Variants in BABAM2 observed in about 807,000 individuals in gnomAD.
BABAM2 encodes BRISC and BRCA1-A complex member 2.
BABAM2 carries 31 observed loss-of-function variants against 54.7 expected under a neutral mutation model. That is an observed-to-expected ratio of 0.57 (90% CI 0.43 to 0.77). The LOEUF (loss-of-function observed/expected upper bound fraction) is 0.77. Among genes scored for constraint, BABAM2 ranks in the 30% least tolerant of loss-of-function variants. BABAM2 has a pLI of 0.00. For synonymous variants in BABAM2, 167 were observed against 162.9 expected, an observed-to-expected ratio of 1.03 and a Z score of -0.19; for missense variants, 364 against 455.8, an observed-to-expected ratio of 0.80 and a Z score of 1.83.
intron 6 of BABAM2, among the ~76,000 whole-genome samples, chr2:28,113,114 A>G (rs998967472): frequency 2.0e-5 from 3 of 152,162 alleles, no homozygotes; most frequent in African/African-American, 7.2e-5. Flanking sequence ...TCTTTGTCAG[A>G]TGGATAGATT....
chr2:27,960,255 T>C (rs1036712681), intron 3 of BABAM2, among the ~76,000 whole-genome samples: 1 of 152,150 alleles, frequency 6.6e-6, no homozygotes, highest in African/African-American at 2.4e-5. Flanking sequence ...TTTCACAAAG[T>C]TTGTGAAGGC....
intron 8 of BABAM2, among the ~76,000 whole-genome samples, chr2:28,237,655 T>C (rs1649081654): frequency 6.6e-6 from 1 of 152,220 alleles, no homozygotes; most frequent in Non-Finnish European, 1.5e-5. Context: ...GCTTCCCAAT[T>C]ATCCAGTGCA....
At chr2:28,310,920 G>A (rs1214852799) in intron 11 of BABAM2, among the ~76,000 whole-genome samples, 1 of 151,122 alleles carries the variant, frequency 6.6e-6, no homozygotes, top group East Asian at 2.0e-4. Flanking sequence ...TAACTGGAAG[G>A]TCAGCACATC....
rs1678851354 is a variant in BABAM2 at position 28,061,391 on chromosome 2, C to T, written c.570+15592C>T. Among the ~76,000 whole-genome samples, 3 of 151,746 alleles carry T rather than the reference C, an allele frequency of 2.0e-5. No homozygotes were observed. The South Asian group carries it at 6.2e-4, about 32-fold the overall frequency. On this transcript the variant is annotated intron_variant, in intron 6 of 11. Coordinates refer to ENST00000379624, the MANE Select transcript of BABAM2 (RefSeq NM_199191.3). ...ACGAGGTCAGGAGATAGCGACCATC[C>T]TGGCTAATACGGTGAAACCTTGTCT... is the stretch of plus-strand genomic sequence containing the variant.
chr2:28,043,151 C>T (rs1224622962), intron 5 of BABAM2, among the ~76,000 whole-genome samples: 120 of 142,274 alleles, frequency 8.4e-4, no homozygotes, highest in Non-Finnish European at 1.3e-3. Flanking sequence ...TTTTTTTAGA[C>T]GGAGTCTTGC....
chr2:27,897,220 T>C (rs1665406872), intron 2 of BABAM2: 1 of 152,266 alleles, frequency 6.6e-6, no homozygotes, highest in African/African-American at 2.4e-5. Context: ...TGATTCTCTT[T>C]CTGCTTTCTC....
intron 6 of BABAM2, among the ~76,000 whole-genome samples, chr2:28,105,580 A>G (rs1262416000): frequency 2.0e-5 from 3 of 152,220 alleles, no homozygotes; most frequent in African/African-American, 7.2e-5. Context: ...CTCCTTGAGA[A>G]AAGTTCAAAT....
chr2:27,927,543 A>G (rs1159478244), intron 2 of BABAM2, among the ~76,000 whole-genome samples: 1 of 152,180 alleles, frequency 6.6e-6, no homozygotes. Context: ...ATAATGCTAG[A>G]ATTTATGTGT....
intron 10 of BABAM2, among the ~76,000 whole-genome samples, chr2:28,254,508 TGTTA>T (rs1423724829): frequency 2.0e-5 from 3 of 146,422 alleles, no homozygotes; most frequent in Non-Finnish European, 4.6e-5. Flanking sequence ...CCTGAGAACC[TGTTA>T]ATTAAAAAAA....
At chr2:28,281,641 C>T (rs1268278779) in intron 10 of BABAM2, among the ~76,000 whole-genome samples, 2 of 152,272 alleles carry the variant, frequency 1.3e-5, no homozygotes, top group African/African-American at 2.4e-5. Flanking sequence ...TTATTTCGGA[C>T]GTGTAGTATA....
intron 10 of BABAM2, among the ~76,000 whole-genome samples, chr2:28,267,424 G>GACAC (rs1050541833): frequency 2.9e-4 from 42 of 146,804 alleles, no homozygotes; most frequent in African/African-American, 1.1e-3. Flanking sequence ...ACACTGACTA[G>GACAC]ACACACACAC....
chr2:28,172,546 C>G (rs1248951597), intron 7 of BABAM2, among the ~76,000 whole-genome samples: 2 of 152,162 alleles, frequency 1.3e-5, no homozygotes, highest in African/African-American at 4.8e-5. Flanking sequence ...TCTGTTTTCC[C>G]CAAAGTATCC....
At chr2:28,301,433 T>C (rs1199065453) in intron 11 of BABAM2, among the ~76,000 whole-genome samples, 2 of 152,210 alleles carry the variant, frequency 1.3e-5, no homozygotes, top group East Asian at 3.8e-4. Context: ...CCCCAGTTGC[T>C]ATTGCAAAGT....
intron 8 of BABAM2, among the ~76,000 whole-genome samples, chr2:28,238,648 T>TC (rs1682136821): frequency 6.6e-6 from 1 of 152,138 alleles, no homozygotes. Context: ...AGACCAAATC[T>TC]CCCCAGCCTC....
In BABAM2 at chr2:28,338,501, T is replaced by G. The variant is rs1466715337; in HGVS notation, c.1140T>G (p.Asn380Lys). 1 of 1,614,032 alleles carries G rather than the reference T, an allele frequency of 6.2e-7. No individual in the cohort carries two copies. Among genetic ancestry groups the G allele is most frequent in the Non-Finnish European group, 8.5e-7 (1 of 1,179,990 alleles). ...VPQFQEAAFA[N>K]GKL ...AGTTCCAGGAGGCAGCATTTGCCAA[T>G]GGAAAGCTCTAGGAAACACCAGTCT... The change falls in exon 12 of 12, where the codon AAT (asparagine) becomes AAG (lysine). Residue 380 changes from asparagine to lysine, a missense_variant. Physicochemically the swap from Asn to Lys is moderately conservative, Grantham distance 94. Transcript: ENST00000379624.
chr2:28,204,633 A>AT (rs1384830611), intron 7 of BABAM2, among the ~76,000 whole-genome samples: 2 of 152,148 alleles, frequency 1.3e-5, no homozygotes, highest in Non-Finnish European at 2.9e-5. Context: ...TCGGTGGGAA[A>AT]TTTTTGAATA....
chr2:28,151,692 T>C (rs192798392), intron 7 of BABAM2, among the ~76,000 whole-genome samples: 143 of 152,228 alleles, frequency 9.4e-4, no homozygotes, highest in African/African-American at 3.2e-3. Flanking sequence ...AGCATGAGAA[T>C]AACAATAAAT....
At chr2:28,048,442 C>G (rs1677760271) in intron 6 of BABAM2, among the ~76,000 whole-genome samples, 2 of 152,170 alleles carry the variant, frequency 1.3e-5, no homozygotes. Flanking sequence ...CTGAATTTCA[C>G]TTTTGGTTGA....
At chr2:27,989,621 G>A (rs1672642959) in intron 4 of BABAM2, among the ~76,000 whole-genome samples, 1 of 152,124 alleles carries the variant, frequency 6.6e-6, no homozygotes, top group South Asian at 2.1e-4. Context: ...TGAAGGAAAT[G>A]ATGAAGGGAG....
Sources: gnomAD v4.1 joint callset for allele counts (sites outside exome capture counted in the v4.1 genomes callset) on GRCh38, gnomAD v4.1.1 for gene constraint, MANE v1.5 for transcripts, NCBI Gene and HGNC (gene_info 2026-07-23, HGNC 2026-07-21) for gene names.